The following ZC3H18 variants were observed in gnomAD, a reference collection of about 807,000 sequenced individuals.
The protein encoded by ZC3H18 is zinc finger CCCH domain-containing protein 18.
In ZC3H18, 8 loss-of-function variants were observed where a neutral mutation model predicts 106.1. The ratio of observed to expected loss-of-function variants is 0.08; its 90% CI spans 0.04 to 0.14. ZC3H18 has a LOEUF of 0.14. Among genes scored for constraint, ZC3H18 ranks in the 10% least tolerant of loss-of-function variants. The probability of loss-of-function intolerance (pLI) is 1.00; values close to 1 mark genes in which losing one functional copy is unlikely to be tolerated. For synonymous variants in ZC3H18, 635 were observed against 522.1 expected (o/e 1.22, Z -2.95); for missense variants, 1,318 against 1,278.4 (o/e 1.03, Z -0.47).
rs57632461 is a variant in ZC3H18, at chr16:88,590,564, C to CTTTTTTTTTTTTTTTT, written c.688+3881_688+3896dup. On this transcript the variant is annotated intron_variant, in intron 3 of 17. Coordinates refer to ENST00000301011, the MANE Select transcript of ZC3H18 (RefSeq NM_144604.4). The stretch of plus-strand genomic sequence containing the variant: ...TGTCCCACTTTGGGTTTCTTTATTT[C>CTTTTTTTTTTTTTTTT]TTTTTTTTTTTTTTTTGAGACAGTG... Among the ~76,000 whole-genome samples, 122 of 100,628 alleles carry CTTTTTTTTTTTTTTTT rather than the reference C, an allele frequency of 1.2e-3. 8 individuals are homozygous for CTTTTTTTTTTTTTTTT. Among genetic ancestry groups the CTTTTTTTTTTTTTTTT allele is most frequent in the African/African-American group, 1.8e-3 (46 of 26,080 alleles). The allele number at this position is 100,628 out of a possible 152,430, so 66.0% of individuals were successfully genotyped here. A position where few individuals can be genotyped will look rare whatever the true frequency, so the allele number is the denominator to read the frequency against.
chr16:88,617,134 C>T (rs757033084), intron 8 of ZC3H18, among the ~76,000 whole-genome samples: 2 of 152,174 alleles, frequency 1.3e-5, no homozygotes. Context: ...ATGGGGGAGC[C>T]ATTTCTTTTC....
intron 3 of ZC3H18, among the ~76,000 whole-genome samples, chr16:88,591,029 G>A (rs1319049589): frequency 2.0e-5 from 3 of 149,956 alleles, no homozygotes; most frequent in Admixed American, 1.3e-4. Flanking sequence ...GGAGTGCAGT[G>A]GCACCATCTC....
intron 2 of ZC3H18, among the ~76,000 whole-genome samples, chr16:88,585,645 C>T (rs370830322): frequency 1.2e-4 from 18 of 152,174 alleles, no homozygotes; most frequent in South Asian, 2.1e-4. Context: ...GAGGGAAGAA[C>T]GCGGTCAGGC....
chr16:88,622,103 T>C lies in ZC3H18; in HGVS notation c.1476-94T>C, dbSNP rs199811123. 20 of 1,395,212 alleles carry C rather than the reference T, an allele frequency of 1.4e-5. No individual in the cohort carries two copies. In the East Asian group the frequency reaches 4.5e-4, roughly 31 times the overall value. 86.4% of individuals were successfully genotyped at this position (1,395,212 alleles called of 1,614,324 possible). A position where few individuals can be genotyped will look rare whatever the true frequency, so the allele number is the denominator to read the frequency against. On this transcript the variant is annotated intron_variant, in intron 8 of 17. Transcript: ENST00000301011. ...TCAGGTGATCCTTAAATAAGCCAGGTATGAGATCCATAGTCTCTCCCGCTG... is the reference window on the plus strand; with the variant it reads ...TCAGGTGATCCTTAAATAAGCCAGGCATGAGATCCATAGTCTCTCCCGCTG...
chr16:88,619,788 C>T (rs1277588047), intron 8 of ZC3H18, among the ~76,000 whole-genome samples: 2 of 152,328 alleles, frequency 1.3e-5, no homozygotes, highest in Admixed American at 1.3e-4. Context: ...GCCTTGACTT[C>T]TGCCCGTTCC....
At chr16:88,630,748 C>T (rs56974587) in intron 17 of ZC3H18, among the ~76,000 whole-genome samples, 167 bp downstream of exon 17, 23,454 of 67,020 alleles carry the variant, frequency 0.35, 5,067 homozygotes, top group African/African-American at 0.46. Context: ...ATTGCAGCCC[C>T]ACCCCCCACC....
intron 2 of ZC3H18, among the ~76,000 whole-genome samples, chr16:88,582,686 C>G (rs8061914): frequency 0.087 from 13,251 of 152,224 alleles, 674 homozygotes; most frequent in South Asian, 0.22. Flanking sequence ...TTCTGTGCCC[C>G]TTAGCGTGGT....
chr16:88,587,391 A>G (rs898092713), intron 3 of ZC3H18: 6 of 648,958 alleles, frequency 9.2e-6, no homozygotes, highest in Non-Finnish European at 1.6e-5. Context: ...TAGTTTTGGC[A>G]TATTTCTTGT....
In ZC3H18 at chr16:88,631,089, A is replaced by T. The variant is rs767942129; in HGVS notation, c.2664-12A>T. On this transcript the variant is annotated splice_polypyrimidine_tract_variant and intron_variant, in intron 17 of 17. Transcript: ENST00000301011. ...CTTCTGGGGGCTCAAGGTCTTCCCC[A>T]CCCCCTTGTAGGAAGCGCCAGCTGT... is the stretch of plus-strand genomic sequence containing the variant. The T allele has an allele frequency of 2.5e-6, 4 of 1,610,648 alleles. No individual in the cohort carries two copies. In the African/African-American group the frequency reaches 5.4e-5, roughly 22 times the overall value.
rs1252086469 is a variant in ZC3H18 at position 88,611,433 on chromosome 16, G to A, written c.1372G>A (p.Ala458Thr). ...GAAGGAGGAGTGGGAGCGTGAGCGA[G>A]CCAAGCGGGACGAGAAGGACCGGCA... ...RRKEEWERER[A>T]KRDEKDRQHR... The change falls in exon 8 of 18, where the codon GCC becomes ACC. Residue 458 changes from alanine (A) to threonine (T), a missense_variant. By Grantham distance (58) the Ala-to-Thr change is moderately conservative (BLOSUM62 0). Transcript: ENST00000301011. 2 of 1,488,298 alleles carry A rather than the reference G, an allele frequency of 1.3e-6. No homozygotes were observed. Among genetic ancestry groups the A allele is most frequent in the African/African-American group, 1.4e-5 (1 of 71,814 alleles). The allele number at this position is 1,488,298 out of a possible 1,614,324, so 92.2% of individuals were successfully genotyped here.
chr16:88,611,644 C>A, intron 8 of ZC3H18, 108 bp downstream of exon 8: 1 of 1,442,050 alleles, frequency 6.9e-7, no homozygotes, highest in Non-Finnish European at 9.2e-7. Flanking sequence ...AGCTCTGGAG[C>A]CCAGGGGACC....
At chr16:88,587,560 C>A in intron 3 of ZC3H18, 1 of 1,536,088 alleles carries the variant, frequency 6.5e-7, no homozygotes, top group Middle Eastern at 1.7e-4. Flanking sequence ...ACACCATTAT[C>A]CACTCTTCTT....
chr16:88,600,099 C>G (rs940187889), intron 6 of ZC3H18, 151 bp downstream of exon 6: 1 of 1,026,462 alleles, frequency 9.7e-7, no homozygotes, highest in African/African-American at 1.6e-5. Context: ...AGCATTCAGG[C>G]ACGGTTCTCA....
At chr16:88,607,807 C>T (rs1208768930) in intron 6 of ZC3H18, among the ~76,000 whole-genome samples, 1 of 151,886 alleles carries the variant, frequency 6.6e-6, no homozygotes, top group Non-Finnish European at 1.5e-5. Context: ...TGCTTCATGT[C>T]AGGCGTCTCC....
At chr16:88,600,922 G>A (rs1904716389) in intron 6 of ZC3H18, among the ~76,000 whole-genome samples, 1 of 152,242 alleles carries the variant, frequency 6.6e-6, no homozygotes, top group Non-Finnish European at 1.5e-5. Context: ...TAGCAGCCCT[G>A]TACATTTCTG....
chr16:88,624,575 C>T lies in ZC3H18; in HGVS notation c.1899-27C>T, dbSNP rs765687590. On this transcript the variant is annotated intron_variant, in intron 11 of 17. Coordinates refer to ENST00000301011, the MANE Select transcript of ZC3H18 (RefSeq NM_144604.4). Reference sequence around the variant, plus strand: ...AGCGGGGCCCCGTCCACCAGCCCTGCCCTGCTCGAGCCTCCCTGTCTCACA... The same window carrying T: ...AGCGGGGCCCCGTCCACCAGCCCTGTCCTGCTCGAGCCTCCCTGTCTCACA... 7 of 1,613,580 alleles carry T rather than the reference C, an allele frequency of 4.3e-6. No homozygotes were observed. The South Asian group carries it at 6.6e-5, about 15-fold the overall frequency.
intron 1 of ZC3H18, chr16:88,571,815 T>C (rs1038634718): frequency 3.6e-6 from 1 of 278,622 alleles, no homozygotes; most frequent in African/African-American, 2.3e-5. Context: ...GTCACCAACC[T>C]TGATAACGTT....
chr16:88,611,198 C>G, intron 7 of ZC3H18, 70 bp from the exon 8 acceptor site: 1 of 707,644 alleles, frequency 1.4e-6, no homozygotes, highest in Admixed American at 2.1e-5. Context: ...GGTGTTGGAG[C>G]CAAGGCTTTC....
chr16:88,619,064 C>T (rs752844905), intron 8 of ZC3H18, among the ~76,000 whole-genome samples: 2 of 152,162 alleles, frequency 1.3e-5, no homozygotes, highest in Non-Finnish European at 2.9e-5. Flanking sequence ...GAGAGAAGGG[C>T]ACATGCCTCG....
Sources: gnomAD v4.1 joint callset for allele counts (sites outside exome capture counted in the v4.1 genomes callset) on GRCh38, gnomAD v4.1.1 for gene constraint, MANE v1.5 for transcripts, NCBI Gene and HGNC (gene_info 2026-07-23, HGNC 2026-07-21) for gene names.